The following USP34 variants were observed in gnomAD, a reference collection of about 807,000 sequenced individuals.
USP34 encodes ubiquitin specific peptidase 34.
In USP34, 70 loss-of-function variants were observed where a neutral mutation model predicts 460.3. That is an observed-to-expected ratio of 0.15 (90% CI 0.13 to 0.19). USP34 has a LOEUF of 0.19. USP34 is among the 10% of genes least tolerant of loss of function. The pLI is 1.00. For synonymous variants in USP34, 1,647 were observed against 1,405.3 expected (o/e 1.17, Z -3.85); for missense variants, 3,985 against 4,236.2 (o/e 0.94, Z 1.65).
chr2:61,367,566 C>G (rs75186343), intron 10 of USP34, among the ~76,000 whole-genome samples: 177 of 152,236 alleles, frequency 1.2e-3, no homozygotes, highest in Middle Eastern at 0.01. Context: ...TCAGTGAAGG[C>G]TCAAGGCACA....
At position 61,248,549 on chromosome 2, in the gene USP34, G is replaced by C; in HGVS notation, c.6356C>G (p.Thr2119Arg). The change falls in exon 49 of 80, where the codon ACA (threonine) becomes AGA (arginine). Residue 2119 changes from threonine to arginine, a missense_variant. By Grantham distance (71) the Thr-to-Arg change is moderately conservative. This residue lies in a region of USP34 where 70 missense variants were observed against 78.1 expected (regional missense o/e 0.90). Transcript: ENST00000398571. ...FPLRLDMTPYTEDFLMGKSER... is the reference protein window; with the variant it reads ...FPLRLDMTPYREDFLMGKSER... ...ACTCTTTCCCATAAGAAAATCTTCT[G>C]TATAGGGCGTCATGTCCAAACGTAA... The C allele has an allele frequency of 1.2e-6, 2 of 1,604,254 alleles. No homozygotes were observed. The highest frequency in any genetic ancestry group is 1.7e-6 in the Non-Finnish European group (2 of 1,174,308).
At chr2:61,358,310 A>G (rs555888025) in intron 10 of USP34, among the ~76,000 whole-genome samples, 25 of 151,934 alleles carry the variant, frequency 1.6e-4, no homozygotes, top group Middle Eastern at 3.4e-3. Flanking sequence ...GACTATGGGG[A>G]AAAAAAAGAC....
intron 76 of USP34, 105 bp from the exon 77 acceptor site, chr2:61,190,763 T>G: frequency 7.4e-7 from 1 of 1,360,328 alleles, no homozygotes. Context: ...TGATGGAATC[T>G]GAAGCCACTG....
chr2:61,208,700 C>A (rs1687188818), intron 70 of USP34, 199 bp downstream of exon 70: 1 of 333,870 alleles, frequency 3.0e-6, no homozygotes, highest in Admixed American at 4.9e-5. Flanking sequence ...TATGGAATTA[C>A]TATGGAAAAA....
At position 61,420,777 on chromosome 2, in the gene USP34, T is replaced by C. The variant is rs373390356; in HGVS notation, c.100A>G (p.Ile34Val). 3.1e-6 allele frequency: 5 copies of C among 1,611,332 alleles called. No homozygotes were observed. The highest frequency in any genetic ancestry group is 4.2e-6 in the Non-Finnish European group (5 of 1,178,648). ...LQLRKEHTLK[I>V]FTYINSWTQR... is the part of the protein sequence containing the mutation. ...GTCCAGGAATTGATATAAGTAAATA[T>C]TTTGAGAGTATGTTCCTTTCTGAGC... The change falls in exon 2 of 80, where the codon ATA (isoleucine) becomes GTA (valine). Residue 34 changes from isoleucine (I) to valine (V), a missense_variant. Physicochemically the swap from Ile to Val is conservative, Grantham distance 29. Transcript: ENST00000398571.
chr2:61,456,539 G>A (rs1695445998), intron 1 of USP34, among the ~76,000 whole-genome samples: 1 of 152,124 alleles, frequency 6.6e-6, no homozygotes, highest in African/African-American at 2.4e-5. Flanking sequence ...CAGTAGTGCT[G>A]GGCACAGTGG....
intron 5 of USP34, among the ~76,000 whole-genome samples, chr2:61,388,623 G>A (rs1384857224): frequency 2.0e-5 from 3 of 152,168 alleles, no homozygotes; most frequent in Admixed American, 1.3e-4. Context: ...AGGCATGGTG[G>A]TGGGCGCCTG....
chr2:61,372,608 G>C (rs1692661717), intron 8 of USP34, among the ~76,000 whole-genome samples: 1 of 152,146 alleles, frequency 6.6e-6, no homozygotes, highest in Non-Finnish European at 1.5e-5. Flanking sequence ...TTACTAAGGA[G>C]GTTGAGGTGG....
intron 2 of USP34, among the ~76,000 whole-genome samples, chr2:61,415,227 T>C (rs1265488098): frequency 2.0e-5 from 3 of 152,032 alleles, no homozygotes; most frequent in Non-Finnish European, 2.9e-5. Context: ...GTAGTAACTC[T>C]AGAAAGTAAT....
intron 1 of USP34, among the ~76,000 whole-genome samples, chr2:61,438,045 C>CA (rs752654477): frequency 3.9e-4 from 58 of 150,618 alleles, no homozygotes; most frequent in South Asian, 8.4e-4. Context: ...AAAGGAAAAA[C>CA]AAACAAAAAA....
chr2:61,379,290 G>C lies in USP34; in HGVS notation c.1015-866C>G, dbSNP rs191097186. On this transcript the variant is annotated intron_variant, in intron 7 of 79. Coordinates refer to ENST00000398571, the MANE Select transcript of USP34 (RefSeq NM_014709.4). ...TCCCAACACTTTGGGAGGATGAGGC[G>C]GGTGGATCACCTGAGGTCAGGAATT... Among the ~76,000 whole-genome samples the C allele has an allele frequency of 6.4e-3, 970 of 152,184 alleles. 3 individuals carry two copies. Among genetic ancestry groups the C allele is most frequent in the Admixed American group, 0.01 (158 of 15,300 alleles).
At chr2:61,423,769 T>C (rs1558585954) in intron 1 of USP34, among the ~76,000 whole-genome samples, 1 of 152,008 alleles carries the variant, frequency 6.6e-6, no homozygotes, top group Admixed American at 6.5e-5. Context: ...CACAGCAAGG[T>C]ACCATCTCTA....
At chr2:61,453,680 A>G (rs1573059592) in intron 1 of USP34, among the ~76,000 whole-genome samples, 1 of 143,176 alleles carries the variant, frequency 7.0e-6, no homozygotes, top group Non-Finnish European at 1.5e-5. Context: ...ACACCACTGC[A>G]CTCCAGCCCA....
chr2:61,462,809 C>T (rs1309740335), intron 1 of USP34, among the ~76,000 whole-genome samples: 1 of 150,906 alleles, frequency 6.6e-6, no homozygotes, highest in East Asian at 1.9e-4. Flanking sequence ...GTGCAGTGAG[C>T]CGAGACTGTA....
At chr2:61,417,593 G>A (rs1251010088) in intron 2 of USP34, among the ~76,000 whole-genome samples, 1 of 151,590 alleles carries the variant, frequency 6.6e-6, no homozygotes, top group Non-Finnish European at 1.5e-5. Context: ...GTAAGCTGTC[G>A]CTCTGAATGG....
chr2:61,456,004 T>C (rs1354320392), intron 1 of USP34, among the ~76,000 whole-genome samples: 1 of 152,180 alleles, frequency 6.6e-6, no homozygotes, highest in South Asian at 2.1e-4. Context: ...CTGCCTCATC[T>C]GTACTCTGGA....
intron 61 of USP34, among the ~76,000 whole-genome samples, chr2:61,228,372 G>C (rs1255378726): frequency 6.6e-6 from 1 of 152,144 alleles, no homozygotes; most frequent in Non-Finnish European, 1.5e-5. Context: ...ATTCACTATT[G>C]ATAAGACCCT....
chr2:61,324,176 A>G (rs1389805467), intron 21 of USP34, among the ~76,000 whole-genome samples: 2 of 152,230 alleles, frequency 1.3e-5, no homozygotes, highest in Non-Finnish European at 2.9e-5. Context: ...GACAGTCAGT[A>G]TATGAAGGAA....
At chr2:61,434,744 T>C (rs1694766475) in intron 1 of USP34, among the ~76,000 whole-genome samples, 1 of 146,064 alleles carries the variant, frequency 6.8e-6, no homozygotes, top group Admixed American at 6.9e-5. Context: ...TCTTTCCCTA[T>C]AAAATTTACT....
Sources: allele counts gnomAD v4.1 joint callset (sites outside exome capture counted in the v4.1 genomes callset), GRCh38; gene constraint gnomAD v4.1.1; regional missense constraint gnomAD v4.1.1; transcripts MANE v1.5; gene names NCBI Gene and HGNC (gene_info 2026-07-23, HGNC 2026-07-21).